Variants in WWOX observed in about 807,000 individuals in gnomAD.
The protein encoded by WWOX is WW domain-containing oxidoreductase.
Under a neutral mutation model 46.2 loss-of-function variants are expected in WWOX, and 69 were observed. The observed-to-expected ratio is 1.49, with a 90% CI of 1.23 to 1.82. WWOX has a LOEUF of 1.82. Among genes scored for constraint, WWOX ranks in the 40% most tolerant of loss-of-function variants. The probability of loss-of-function intolerance (pLI) is 0.00; values close to 1 mark genes in which losing one functional copy is unlikely to be tolerated. For synonymous variants in WWOX, 359 were observed against 202.6 expected (o/e 1.77, Z -6.56); for missense variants, 919 against 542.6 (o/e 1.69, Z -6.89).
At chr16:78,949,679 A>G (rs1420641831) in intron 8 of WWOX, among the ~76,000 whole-genome samples, 1 of 152,226 alleles carries the variant, frequency 6.6e-6, no homozygotes, top group Non-Finnish European at 1.5e-5. Context: ...GCCTTGAGGT[A>G]TACGTGTGGC....
intron 8 of WWOX, among the ~76,000 whole-genome samples, chr16:78,831,392 G>C (rs148048556): frequency 1.2e-4 from 19 of 152,342 alleles, no homozygotes; most frequent in Non-Finnish European, 1.8e-4. Context: ...CAAAATATCT[G>C]TGTTCATGTA....
At chr16:78,389,002 G>A (rs566673456) in intron 6 of WWOX, among the ~76,000 whole-genome samples, 2 of 151,222 alleles carry the variant, frequency 1.3e-5, no homozygotes, top group African/African-American at 4.8e-5. Context: ...TCAGGCTCTT[G>A]CTGGAGTATG....
At chr16:79,021,226 C>G (rs1179538119) in intron 8 of WWOX, among the ~76,000 whole-genome samples, 2 of 152,276 alleles carry the variant, frequency 1.3e-5, no homozygotes, top group South Asian at 2.1e-4. Context: ...TTTTCAGTCA[C>G]TTTGCCTTCA....
At chr16:78,912,115 C>T (rs1036761468) in intron 8 of WWOX, among the ~76,000 whole-genome samples, 3 of 150,220 alleles carry the variant, frequency 2.0e-5, no homozygotes, top group Non-Finnish European at 4.4e-5. Context: ...TGTCTCTGAG[C>T]CTCAACTTCC....
At chr16:79,187,460 G>C (rs2051039958) in intron 8 of WWOX, among the ~76,000 whole-genome samples, 1 of 152,178 alleles carries the variant, frequency 6.6e-6, no homozygotes, top group African/African-American at 2.4e-5. Flanking sequence ...GAGTGCAGCG[G>C]CGTGATCTCT....
At chr16:79,003,005 C>T (rs1400367284) in intron 8 of WWOX, among the ~76,000 whole-genome samples, 1 of 152,172 alleles carries the variant, frequency 6.6e-6, no homozygotes, top group East Asian at 1.9e-4. Flanking sequence ...CTGGTGAATG[C>T]ACCCAGCTCG....
At chr16:78,327,093 G>T (rs1199961169) in intron 5 of WWOX, among the ~76,000 whole-genome samples, 2 of 152,110 alleles carry the variant, frequency 1.3e-5, no homozygotes, top group African/African-American at 4.8e-5. Context: ...CTCAAATCCT[G>T]ACCTTGTGAC....
At chr16:78,328,417 A>G (rs749283105) in intron 5 of WWOX, among the ~76,000 whole-genome samples, 5 of 152,210 alleles carry the variant, frequency 3.3e-5, no homozygotes, top group Non-Finnish European at 5.9e-5. Context: ...TGGATTTTAG[A>G]TGAAGAATCA....
At chr16:78,445,015 C>G (rs2083526449) in intron 8 of WWOX, among the ~76,000 whole-genome samples, 1 of 150,474 alleles carries the variant, frequency 6.6e-6, no homozygotes, top group Non-Finnish European at 1.5e-5. Flanking sequence ...TCCCAGGTTC[C>G]AAACCTGCAC....
At chr16:78,887,360 C>T (rs534112414) in intron 8 of WWOX, among the ~76,000 whole-genome samples, 6 of 151,930 alleles carry the variant, frequency 3.9e-5, no homozygotes, top group African/African-American at 1.4e-4. Flanking sequence ...CTCCCAACTC[C>T]CCACGTTTTG....
At chr16:79,019,503 A>T (rs2550720) in intron 8 of WWOX, among the ~76,000 whole-genome samples, 3 of 152,018 alleles carry the variant, frequency 2.0e-5, no homozygotes, top group African/African-American at 4.8e-5. Flanking sequence ...TCTTTGGGAC[A>T]GCCATCATAT....
intron 8 of WWOX, among the ~76,000 whole-genome samples, chr16:78,516,504 A>G (rs774363274): frequency 6.6e-6 from 1 of 152,166 alleles, no homozygotes; most frequent in Admixed American, 6.5e-5. Flanking sequence ...TAGAAAATTG[A>G]CATCATCTCT....
intron 8 of WWOX, among the ~76,000 whole-genome samples, chr16:78,473,382 A>C (rs923324693): frequency 6.6e-6 from 1 of 152,074 alleles, no homozygotes; most frequent in Non-Finnish European, 1.5e-5. Context: ...GACCCACCTC[A>C]GCCTCCCAAA....
chr16:78,218,367 C>G (rs950676344), intron 5 of WWOX, among the ~76,000 whole-genome samples: 3 of 151,974 alleles, frequency 2.0e-5, no homozygotes, highest in Non-Finnish European at 4.4e-5. Flanking sequence ...GATTACAAGC[C>G]TGAGCCACCA....
Position 79,211,993 on chromosome 16 carries a change from C to G in WWOX, c.*197C>G. 1 of 1,536,136 alleles carries G rather than the reference C, an allele frequency of 6.5e-7. No homozygotes were observed. Among genetic ancestry groups the G allele is most frequent in the African/African-American group, 1.4e-5 (1 of 73,168 alleles). ...ATTCCTGGGGTAAAGTATCACTTTT[C>G]TGGGGCTGGGCTAGGCATAGGTCTC... On this transcript the variant is annotated 3_prime_UTR_variant, in exon 9 of 9. Transcript: ENST00000566780.
chr16:78,537,852 A>G (rs2043796566), intron 8 of WWOX, among the ~76,000 whole-genome samples: 1 of 152,142 alleles, frequency 6.6e-6, no homozygotes, highest in Non-Finnish European at 1.5e-5. Flanking sequence ...GCCACCCGGC[A>G]GTGGAAAAGC....
intron 8 of WWOX, among the ~76,000 whole-genome samples, chr16:78,577,567 C>T (rs1361717959): frequency 2.0e-5 from 3 of 152,136 alleles, no homozygotes; most frequent in African/African-American, 7.2e-5. Flanking sequence ...ATTCCACTTC[C>T]TAGCTTTGGG....
At chr16:78,789,602 C>A (rs1161197702) in intron 8 of WWOX, among the ~76,000 whole-genome samples, 1 of 152,080 alleles carries the variant, frequency 6.6e-6, no homozygotes, top group Non-Finnish European at 1.5e-5. Context: ...CTTTGTTCTT[C>A]ATTTTCAAGA....
intron 5 of WWOX, among the ~76,000 whole-genome samples, chr16:78,283,483 T>C (rs1347182881): frequency 6.6e-6 from 1 of 152,224 alleles, no homozygotes; most frequent in Non-Finnish European, 1.5e-5. Flanking sequence ...GCTGTGCTAA[T>C]GTCTTCCTTT....
Sources: allele counts gnomAD v4.1 joint callset (sites outside exome capture counted in the v4.1 genomes callset), GRCh38; gene constraint gnomAD v4.1.1; transcripts MANE v1.5; gene names NCBI Gene and HGNC (gene_info 2026-07-23, HGNC 2026-07-21).